ATP13A4: variants seen among roughly 807,000 people sequenced by gnomAD.
ATP13A4 encodes the protein ATPase 13A4, also known as probable cation-transporting ATPase 13A4.
A neutral mutation model predicts 142.5 loss-of-function variants in ATP13A4; 114 were observed. That is an observed-to-expected ratio of 0.80 (90% CI 0.69 to 0.93). ATP13A4 has a LOEUF of 0.93. ATP13A4 is among the 40% of genes least tolerant of loss of function. ATP13A4 has a pLI of 0.00. For synonymous variants in ATP13A4, 488 were observed against 514.8 expected (o/e 0.95, Z 0.70); for missense variants, 1,392 against 1,454.0 (o/e 0.96, Z 0.69).
chr3:193,592,034 C>G (rs1724816149), intron 1 of ATP13A4, among the ~76,000 whole-genome samples: 1 of 150,728 alleles, frequency 6.6e-6, no homozygotes, highest in Non-Finnish European at 1.5e-5. Context: ...GCTAGGTCTA[C>G]TCTTGGTGGT....
chr3:193,483,379 A>G (rs925700790), intron 8 of ATP13A4, among the ~76,000 whole-genome samples: 11 of 152,200 alleles, frequency 7.2e-5, no homozygotes, highest in Admixed American at 1.3e-4. Context: ...ACATATGCCA[A>G]ACTTATCAAA....
chr3:193,526,938 C>T (rs540884955), intron 1 of ATP13A4, among the ~76,000 whole-genome samples: 2 of 151,974 alleles, frequency 1.3e-5, no homozygotes, highest in South Asian at 2.1e-4. Context: ...ATTTTTGTGG[C>T]ACTTCAAAAA....
chr3:193,495,854 TAAAC>T (rs1266250575), intron 3 of ATP13A4, among the ~76,000 whole-genome samples: 1 of 151,942 alleles, frequency 6.6e-6, no homozygotes, highest in Non-Finnish European at 1.5e-5. Context: ...AAAAAACTAA[TAAAC>T]AAATTCAGTA....
At chr3:193,414,508 C>T (rs947175336) in intron 26 of ATP13A4, 71 bp downstream of exon 26, 148 of 1,567,504 alleles carry the variant, frequency 9.4e-5, no homozygotes, top group Admixed American at 1.4e-4. Context: ...ATGTGCCTCC[C>T]ATCATATTGG....
intron 17 of ATP13A4, among the ~76,000 whole-genome samples, chr3:193,449,225 G>A (rs887286979): frequency 1.3e-5 from 2 of 152,098 alleles, no homozygotes; most frequent in African/African-American, 4.8e-5. Flanking sequence ...ATATTTTCAG[G>A]GATATTCTAC....
Position 193,457,414 on chromosome 3 carries a change from C to T in ATP13A4, c.1726G>A (p.Ala576Thr), listed in dbSNP as rs767089811. The change falls in exon 15 of 30, where the codon GCC (alanine) becomes ACC (threonine). Residue 576 changes from alanine (A) to threonine (T), a missense_variant. Coordinates refer to ENST00000342695, the MANE Select transcript of ATP13A4 (RefSeq NM_032279.4). Reference protein sequence around the residue: ...DFHIKGVPAHAMVVKPCRTAS... With the variant: ...DFHIKGVPAHTMVVKPCRTAS... ...GTTCTGCAGGGCTTAACTACCATGG[C>T]ATGTGCCGGCACTCCCTTGATGTGG... 7.4e-6 allele frequency: 12 copies of T among 1,614,222 alleles called. No individual in the cohort carries two copies. The highest frequency in any genetic ancestry group is 1.0e-5 in the Non-Finnish European group (12 of 1,180,034).
intron 12 of ATP13A4, among the ~76,000 whole-genome samples, chr3:193,463,360 T>C (rs1208387103): frequency 2.2e-5 from 3 of 136,216 alleles, no homozygotes; most frequent in Non-Finnish European, 4.6e-5. Flanking sequence ...AAATAAGGAA[T>C]AGAGTGAAAT....
At position 193,402,557 on chromosome 3, in the gene ATP13A4, G is replaced by A. The variant is rs1714300667; in HGVS notation, c.*95C>T. 3 of 730,448 alleles carry A rather than the reference G, an allele frequency of 4.1e-6. No homozygotes were observed. Among genetic ancestry groups the A allele is most frequent in the Non-Finnish European group, 5.0e-6 (2 of 399,004 alleles). The allele number at this position is 730,448 out of a possible 1,614,324, so 45.2% of individuals were successfully genotyped here. ...TTTGATAGGTAGCCCCAAAACTCCA[G>A]CTGATGTTACAAGAGTCTCATTTCT... On this transcript the variant is annotated 3_prime_UTR_variant, in exon 30 of 30. Coordinates refer to ENST00000342695, the MANE Select transcript of ATP13A4 (RefSeq NM_032279.4).
intron 7 of ATP13A4, among the ~76,000 whole-genome samples, chr3:193,489,434 A>G (rs758070238): frequency 6.6e-6 from 1 of 152,166 alleles, no homozygotes; most frequent in Non-Finnish European, 1.5e-5. Flanking sequence ...AGTATTCTCT[A>G]CATAAATTTT....
Sources: allele counts gnomAD v4.1 joint callset (sites outside exome capture counted in the v4.1 genomes callset), GRCh38; gene constraint gnomAD v4.1.1; transcripts MANE v1.5; gene names NCBI Gene and HGNC (gene_info 2026-07-23, HGNC 2026-07-21).